The following GABRB3 variants were observed in gnomAD, a reference collection of about 807,000 sequenced individuals.
GABRB3 encodes the protein gamma-aminobutyric acid receptor subunit beta-3.
Under a neutral mutation model 52.1 loss-of-function variants are expected in GABRB3, and 14 were observed. The ratio of observed to expected loss-of-function variants is 0.27; its 90% CI spans 0.18 to 0.42. The LOEUF is 0.42. Ranked by LOEUF, GABRB3 falls within the 10% of genes least tolerant of loss-of-function variation. The probability of loss-of-function intolerance (pLI) is 1.00; values close to 1 mark genes in which losing one functional copy is unlikely to be tolerated. For synonymous variants in GABRB3, 260 were observed against 232.3 expected (o/e 1.12, Z -1.08); for missense variants, 307 against 609.1 (o/e 0.50, Z 5.22).
intron 3 of GABRB3, among the ~76,000 whole-genome samples, chr15:26,676,288 T>A (rs980783065): frequency 2.6e-5 from 4 of 152,190 alleles, no homozygotes; most frequent in African/African-American, 9.7e-5. Flanking sequence ...CCCCAGGGTT[T>A]TTCCTCTTCT....
chr15:26,581,847 T>G (rs1427595562), intron 5 of GABRB3, among the ~76,000 whole-genome samples: 1 of 152,210 alleles, frequency 6.6e-6, no homozygotes, highest in Non-Finnish European at 1.5e-5. Flanking sequence ...ACTATTTGAT[T>G]TTGGTCTAAT....
chr15:26,772,973 C>G lies in GABRB3; in HGVS notation c.-11G>C. On this transcript the variant is annotated 5_prime_UTR_variant, in exon 1 of 9. Coordinates refer to ENST00000311550, the MANE Select transcript of GABRB3 (RefSeq NM_000814.6). ...CGCAAGGCCCCACATCCCTCCGCCG[C>G]GCCCCGGCACGGGGGAGGGGGCGCC... 1 of 1,405,312 alleles carries G rather than the reference C, an allele frequency of 7.1e-7. No individual in the cohort carries two copies. Among genetic ancestry groups the G allele is most frequent in the South Asian group, 1.4e-5 (1 of 70,298 alleles). 87.1% of individuals were successfully genotyped at this position (1,405,312 alleles called of 1,614,324 possible).
At chr15:26,699,961 A>C (rs1888873297) in intron 3 of GABRB3, among the ~76,000 whole-genome samples, 1 of 151,970 alleles carries the variant, frequency 6.6e-6, no homozygotes, top group African/African-American at 2.4e-5. Context: ...GATAATATTA[A>C]ACCCAAAGTT....
At chr15:26,678,540 C>T (rs1888139076) in intron 3 of GABRB3, among the ~76,000 whole-genome samples, 1 of 151,178 alleles carries the variant, frequency 6.6e-6, no homozygotes, top group African/African-American at 2.4e-5. Flanking sequence ...GAGAGCAACA[C>T]AAGGAGAGAG....
chr15:26,721,304 G>A (rs1889637588), intron 3 of GABRB3, among the ~76,000 whole-genome samples: 1 of 152,098 alleles, frequency 6.6e-6, no homozygotes, highest in South Asian at 2.1e-4. Context: ...CCTTTGGAAG[G>A]GAAACTTGCA....
chr15:26,722,687 G>T (rs770850535), intron 3 of GABRB3, among the ~76,000 whole-genome samples: 78 of 152,202 alleles, frequency 5.1e-4, no homozygotes, highest in Non-Finnish European at 4.3e-4. Context: ...CAAGGCAAAG[G>T]CATTCATTCA....
chr15:26,665,930 C>T (rs1047771261), intron 3 of GABRB3, among the ~76,000 whole-genome samples: 5 of 152,248 alleles, frequency 3.3e-5, no homozygotes, highest in African/African-American at 9.6e-5. Context: ...TGAAATGGCA[C>T]GTGTGGTAAG....
At chr15:26,640,233 G>T (rs1481512883) in intron 3 of GABRB3, among the ~76,000 whole-genome samples, 1 of 152,064 alleles carries the variant, frequency 6.6e-6, no homozygotes, top group Admixed American at 6.6e-5. Context: ...GTATCAAAAC[G>T]TTGGCCGGGC....
At chr15:26,575,894 G>A (rs1890574069) in intron 6 of GABRB3, among the ~76,000 whole-genome samples, 1 of 152,130 alleles carries the variant, frequency 6.6e-6, no homozygotes, top group Admixed American at 6.6e-5. Flanking sequence ...AAGACAAACA[G>A]CACAAAATTA....
chr15:26,608,340 C>A (rs1582760), intron 4 of GABRB3, among the ~76,000 whole-genome samples: 1 of 151,992 alleles, frequency 6.6e-6, no homozygotes, highest in African/African-American at 2.4e-5. Flanking sequence ...ATGTAACTAG[C>A]AACTGTTAAA....
intron 4 of GABRB3, among the ~76,000 whole-genome samples, chr15:26,610,916 A>G (rs143276051): frequency 2.0e-4 from 30 of 152,358 alleles, no homozygotes; most frequent in African/African-American, 6.7e-4. Context: ...AGGATTTAGC[A>G]CAGGTTATAA....
intron 4 of GABRB3, among the ~76,000 whole-genome samples, chr15:26,589,295 G>C (rs914676839): frequency 6.6e-6 from 1 of 152,170 alleles, no homozygotes; most frequent in Admixed American, 6.5e-5. Flanking sequence ...TCAGGGACTT[G>C]CTCACTTCTG....
intron 3 of GABRB3, chr15:26,624,738 GTCC>G (rs1892620469): frequency 6.1e-6 from 6 of 984,596 alleles, no homozygotes; most frequent in Non-Finnish European, 7.2e-6. Flanking sequence ...ACAAATCAGT[GTCC>G]TCCTTTTTTT....
At chr15:26,643,150 T>C (rs1444390477) in intron 3 of GABRB3, among the ~76,000 whole-genome samples, 3 of 152,172 alleles carry the variant, frequency 2.0e-5, no homozygotes, top group Non-Finnish European at 4.4e-5. Context: ...CAAGATCCTG[T>C]CCCTGTGAAG....
In GABRB3 at chr15:26,728,682, C is replaced by T. The variant is rs181360663; in HGVS notation, c.240+43720G>A. Among the ~76,000 whole-genome samples, 6 of 152,282 alleles carry T rather than the reference C, an allele frequency of 3.9e-5. No individual in the cohort carries two copies. The South Asian group carries it at 6.2e-4, about 16-fold the overall frequency. On this transcript the variant is annotated intron_variant, in intron 3 of 8. Transcript: ENST00000311550. ...TGGTATTCTATGCAGTCATCATTAA[C>T]GTATTTCATCTTTCATGACGTATTT... is the stretch of plus-strand genomic sequence containing the variant.
intron 3 of GABRB3, chr15:26,658,837 A>G (rs1359517362): frequency 1.3e-5 from 2 of 152,250 alleles, no homozygotes; most frequent in Admixed American, 1.3e-4. Context: ...TGGAACTGCT[A>G]TGTTGCCAAT....
chr15:26,772,076 TC>T, intron 3 of GABRB3: 1 of 284,602 alleles, frequency 3.5e-6, no homozygotes, highest in Non-Finnish European at 6.4e-6. Flanking sequence ...GAGACAGCGC[TC>T]GGGAAACCTC....
At chr15:26,726,025 T>C (rs995481815) in intron 3 of GABRB3, among the ~76,000 whole-genome samples, 1 of 152,136 alleles carries the variant, frequency 6.6e-6, no homozygotes, top group Non-Finnish European at 1.5e-5. Flanking sequence ...TTACTCCTCA[T>C]TGTGGGTGTG....
chr15:26,660,964 G>A (rs1031597196), intron 3 of GABRB3, among the ~76,000 whole-genome samples: 1 of 152,034 alleles, frequency 6.6e-6, no homozygotes, highest in Non-Finnish European at 1.5e-5. Context: ...AAAATTATTT[G>A]TAGAGGTGTG....
Sources: gnomAD v4.1 joint callset for allele counts (sites outside exome capture counted in the v4.1 genomes callset) on GRCh38, gnomAD v4.1.1 for gene constraint, MANE v1.5 for transcripts, NCBI Gene and HGNC (gene_info 2026-07-23, HGNC 2026-07-21) for gene names.